MIS18A: variants seen among roughly 807,000 people sequenced by gnomAD.
MIS18A encodes protein Mis18-alpha.
MIS18A carries 14 observed loss-of-function variants against 25.0 expected under a neutral mutation model. That is an observed-to-expected ratio of 0.56 (90% CI 0.37 to 0.88). The LOEUF is 0.88. Ranked by LOEUF, MIS18A falls within the 40% of genes least tolerant of loss-of-function variation. The pLI, the probability that MIS18A is intolerant of heterozygous loss-of-function variation, is 0.00. For missense variants in MIS18A, 292 were observed against 290.8 expected, an observed-to-expected ratio of 1.00 and a Z score of -0.03; for synonymous variants, 134 against 118.6, an observed-to-expected ratio of 1.13 and a Z score of -0.84.
the MIS18A span, among the ~76,000 whole-genome samples, chr21:32,253,015 G>A: frequency 2.0e-5 from 3 of 152,142 alleles, no homozygotes; most frequent in Non-Finnish European, 4.4e-5. Flanking sequence ...AGCTGCCCTT[G>A]GGACCTCTCC....
At chr21:32,233,787 T>C in the MIS18A span, among the ~76,000 whole-genome samples, 1 of 152,102 alleles carries the variant, frequency 6.6e-6, no homozygotes, top group Non-Finnish European at 1.5e-5. Flanking sequence ...CTTGTTCTGC[T>C]CCCACTCTGC....
Position 32,269,257 on chromosome 21 carries a change from AAACT to A in MIS18A, c.622-144_622-141del, listed in dbSNP as rs998257157. 7 of 643,306 alleles carry A rather than the reference AAACT, an allele frequency of 1.1e-5. No homozygotes were observed. The African/African-American group carries it at 1.3e-4, about 12-fold the overall frequency. 39.8% of individuals were successfully genotyped at this position (643,306 alleles called of 1,614,324 possible). A position where few individuals can be genotyped will look rare whatever the true frequency, so the allele number is the denominator to read the frequency against. ...CAAGGTAGATATTCAGTGTTTAACA[AAACT>A]ATTTAGAGGCATAAATTTTTTAAAA... On this transcript the variant is annotated intron_variant, in intron 4 of 4. Coordinates refer to ENST00000290130, the MANE Select transcript of MIS18A (RefSeq NM_018944.3).
the MIS18A span, among the ~76,000 whole-genome samples, chr21:32,216,593 C>A: frequency 2.0e-5 from 3 of 152,174 alleles, no homozygotes; most frequent in Non-Finnish European, 4.4e-5. Flanking sequence ...TCAAAGAGAG[C>A]TTTTAAAAGC....
chr21:32,197,526 T>C, the MIS18A span, among the ~76,000 whole-genome samples: 13 of 152,206 alleles, frequency 8.5e-5, no homozygotes, highest in Non-Finnish European at 1.5e-4. Flanking sequence ...TTGTAGCATC[T>C]GGGAAAAGGT....
chr21:32,277,935 C>T (rs561528061), intron 1 of MIS18A: 4 of 152,256 alleles, frequency 2.6e-5, no homozygotes, highest in Admixed American at 1.3e-4. Flanking sequence ...GGAACATTTA[C>T]GGCATTCAAA....
At chr21:32,219,067 CAA>C in the MIS18A span, among the ~76,000 whole-genome samples, 1,589 of 84,296 alleles carry the variant, frequency 0.019, 20 homozygotes, top group African/African-American at 0.051. Flanking sequence ...GACTCTGTCT[CAA>C]AAAAAAAAAA....
chr21:32,166,214 T>C, the MIS18A span, among the ~76,000 whole-genome samples: 18 of 152,192 alleles, frequency 1.2e-4, no homozygotes, highest in Non-Finnish European at 2.4e-4. Flanking sequence ...TTGCAATGTA[T>C]CTCACAAAGA....
chr21:32,231,003 G>A, the MIS18A span, among the ~76,000 whole-genome samples: 47 of 152,264 alleles, frequency 3.1e-4, no homozygotes, highest in African/African-American at 1.1e-3. Context: ...GGGAGGCTGA[G>A]GTGGGCAGAC....
At chr21:32,236,448 C>A in the MIS18A span, among the ~76,000 whole-genome samples, 2 of 126,188 alleles carry the variant, frequency 1.6e-5, no homozygotes, top group Non-Finnish European at 3.3e-5. Flanking sequence ...GAAACAGAAA[C>A]CCAAAATAAC....
chr21:32,244,379 T>A, the MIS18A span, among the ~76,000 whole-genome samples: 8 of 152,008 alleles, frequency 5.3e-5, no homozygotes, highest in Non-Finnish European at 8.8e-5. Flanking sequence ...CTCATCAAAT[T>A]GTACATTTCA....
chr21:32,228,404 T>C, the MIS18A span, among the ~76,000 whole-genome samples: 7 of 152,300 alleles, frequency 4.6e-5, no homozygotes, highest in African/African-American at 1.7e-4. Context: ...TCGCCTTTAA[T>C]AGTGAAAGGC....
chr21:32,191,674 CG>C, the MIS18A span, among the ~76,000 whole-genome samples: 1 of 152,116 alleles, frequency 6.6e-6, no homozygotes, highest in Non-Finnish European at 1.5e-5. Context: ...GAGGTCAAGG[CG>C]GGTGGGTCAC....
the MIS18A span, among the ~76,000 whole-genome samples, chr21:32,227,795 C>T: frequency 4.6e-5 from 7 of 152,266 alleles, no homozygotes; most frequent in African/African-American, 1.4e-4. Context: ...ATGCAAACTT[C>T]TGAACATACT....
At chr21:32,220,608 C>A in the MIS18A span, among the ~76,000 whole-genome samples, 15,724 of 151,948 alleles carry the variant, frequency 0.1, 921 homozygotes, top group South Asian at 0.18. Flanking sequence ...AGCAAAGGAA[C>A]AAAACTAGAT....
At chr21:32,155,672 T>C in the MIS18A span, among the ~76,000 whole-genome samples, 1 of 152,226 alleles carries the variant, frequency 6.6e-6, no homozygotes, top group South Asian at 2.1e-4. Context: ...CATCTGTATG[T>C]AAAAAGTTAG....
At chr21:32,210,116 C>T in the MIS18A span, among the ~76,000 whole-genome samples, 1 of 152,188 alleles carries the variant, frequency 6.6e-6, no homozygotes, top group African/African-American at 2.4e-5. Flanking sequence ...TGCAAAGTCT[C>T]TGCTGAATGG....
At chr21:32,240,261 C>G in the MIS18A span, among the ~76,000 whole-genome samples, 2 of 152,254 alleles carry the variant, frequency 1.3e-5, no homozygotes, top group Admixed American at 1.3e-4. Context: ...ACTGGAATGT[C>G]TCTGGACAGG....
the MIS18A span, among the ~76,000 whole-genome samples, chr21:32,257,303 A>G: frequency 2.0e-5 from 3 of 152,240 alleles, no homozygotes; most frequent in African/African-American, 7.2e-5. Context: ...TCTTGGTGAA[A>G]TGTTGGCAGC....
the MIS18A span, among the ~76,000 whole-genome samples, chr21:32,248,530 A>G: frequency 6.6e-6 from 1 of 152,236 alleles, no homozygotes; most frequent in African/African-American, 2.4e-5. Flanking sequence ...AGACTAAAAC[A>G]TAGATAAATA....
Sources: allele counts gnomAD v4.1 joint callset (sites outside exome capture counted in the v4.1 genomes callset), GRCh38; gene constraint gnomAD v4.1.1; transcripts MANE v1.5; gene names NCBI Gene and HGNC (gene_info 2026-07-23, HGNC 2026-07-21).